CFAP20: variants seen among roughly 807,000 people sequenced by gnomAD.
The protein encoded by CFAP20 is cilia and flagella associated protein 20.
In CFAP20, 14 loss-of-function variants were observed where a neutral mutation model predicts 25.5. That is an observed-to-expected ratio of 0.55 (90% confidence interval 0.36 to 0.86). The LOEUF (loss-of-function observed/expected upper bound fraction) is 0.86, where lower values mean the gene tolerates loss of function less well. Among genes scored for constraint, CFAP20 ranks in the 40% least tolerant of loss-of-function variants. The pLI, the probability that CFAP20 is intolerant of heterozygous loss-of-function variation, is 0.01. For missense variants in CFAP20, 181 were observed against 248.0 expected (o/e 0.73, Z 1.81); for synonymous variants, 75 against 91.1 (o/e 0.82, Z 1.01).
intron 1 of CFAP20, among the ~76,000 whole-genome samples, chr16:58,118,512 G>A (rs59705052): frequency 0.039 from 4,677 of 121,070 alleles, 94 homozygotes; most frequent in East Asian, 0.1. Context: ...AACAAAAAAC[G>A]AAAAAAAAAA....
intron 1 of CFAP20, among the ~76,000 whole-genome samples, chr16:58,118,342 T>C (rs1322555645): frequency 6.7e-6 from 1 of 150,030 alleles, no homozygotes; most frequent in African/African-American, 2.5e-5. Context: ...TGTGGTGGCG[T>C]GCACCTGTAG....
intron 1 of CFAP20, among the ~76,000 whole-genome samples, chr16:58,118,375 TG>T (rs760961961): frequency 2.1e-4 from 32 of 151,444 alleles, no homozygotes; most frequent in Non-Finnish European, 4.0e-4. Context: ...CCCAACTACT[TG>T]GGAGGCTAAG....
intron 1 of CFAP20, 53 bp downstream of exon 1, chr16:58,128,979 C>A (rs1960666645): frequency 3.2e-6 from 5 of 1,558,114 alleles, no homozygotes; most frequent in South Asian, 1.1e-5. Context: ...AGCCCCCGGA[C>A]GAGGAGGGGG....
In CFAP20 at chr16:58,115,448, C is replaced by T; in HGVS notation, c.286G>A (p.Asp96Asn). ...CGAAAGCGACGACGCACATTCTTGT[C>T]ATCTAGTACCTGTGAAATACAGAGA... ...YFTFEVQVLD[D>N]KNVRRRFRAS... Residue 96 changes from aspartate (D) to asparagine (N), a missense_variant, in exon 4 of 6, where the codon GAC (aspartate) becomes AAC (asparagine). Transcript: ENST00000262498. The T allele has an allele frequency of 6.2e-7, 1 of 1,614,152 alleles. No homozygotes were observed. The highest frequency in any genetic ancestry group is 2.2e-5 in the East Asian group (1 of 44,888).
At chr16:58,128,884 A>C in intron 1 of CFAP20, 148 bp downstream of exon 1, 1 of 186,850 alleles carries the variant, frequency 5.4e-6, no homozygotes, top group Non-Finnish European at 6.5e-6. Context: ...CTCGCGCCCC[A>C]GTCCCGCCAG....
chr16:58,116,060 T>C lies in CFAP20; in HGVS notation c.257A>G (p.Tyr86Cys), dbSNP rs1377392375. ...ACTTACCTGCACTTCGAAGGTAAAA[T>C]ACTTCTTCAGGTTTTTGATAATCAT... The part of the protein sequence containing the change: ...LVMIIKNLKK[Y>C]FTFEVQVLDD... The change falls in exon 3 of 6, where the codon TAT becomes TGT. Residue 86 changes from tyrosine to cysteine, a missense_variant. Tyr to Cys is a radical substitution (Grantham distance 194, BLOSUM62 -2). Coordinates refer to ENST00000262498, the MANE Select transcript of CFAP20 (RefSeq NM_013242.3). 3 of 1,611,074 alleles carry C rather than the reference T, an allele frequency of 1.9e-6. No individual in the cohort carries two copies. Among genetic ancestry groups the C allele is most frequent in the Non-Finnish European group, 2.5e-6 (3 of 1,177,178 alleles).
chr16:58,114,136 G>C, intron 5 of CFAP20, 106 bp from the exon 6 acceptor site: 1 of 1,199,662 alleles, frequency 8.3e-7, no homozygotes. Flanking sequence ...GACAGTGACT[G>C]TGGAGAATGG....
At chr16:58,117,075 A>G (rs1196952005) in intron 1 of CFAP20, 124 bp from the exon 2 acceptor site, 1 of 763,496 alleles carries the variant, frequency 1.3e-6, no homozygotes, top group African/African-American at 1.7e-5. Flanking sequence ...ACTGAAGCTT[A>G]TATGTAAGTA....
Position 58,115,424 on chromosome 16 carries a change from G to A in CFAP20, c.310C>T (p.Arg104Trp), listed in dbSNP as rs914251254. The A allele has an allele frequency of 3.7e-6, 6 of 1,614,220 alleles. No individual in the cohort carries two copies. The highest frequency in any genetic ancestry group is 4.2e-6 in the Non-Finnish European group (5 of 1,180,044). Reference sequence around the variant, plus strand: ...GTGGTGCTCTGGTAGTTACTTGCCCGAAAGCGACGACGCACATTCTTGTCA... The same window carrying A: ...GTGGTGCTCTGGTAGTTACTTGCCCAAAAGCGACGACGCACATTCTTGTCA... Reference protein sequence around the residue: ...LDDKNVRRRFRASNYQSTTRV... With the variant: ...LDDKNVRRRFWASNYQSTTRV... The change falls in exon 4 of 6, where the codon CGG becomes TGG. Residue 104 changes from arginine to tryptophan, a missense_variant. Physicochemically the swap from Arg to Trp is moderately radical, Grantham distance 101 (BLOSUM62 -3). Coordinates refer to ENST00000262498, the MANE Select transcript of CFAP20 (RefSeq NM_013242.3).
chr16:58,117,208 A>G, intron 1 of CFAP20: 1 of 499,252 alleles, frequency 2.0e-6, no homozygotes, highest in East Asian at 3.3e-5. Flanking sequence ...GATTCAGCTA[A>G]TATCTACTGA....
intron 1 of CFAP20, among the ~76,000 whole-genome samples, chr16:58,120,338 T>G (rs74019798): frequency 0.032 from 4,823 of 152,352 alleles, 103 homozygotes; most frequent in East Asian, 0.089. Flanking sequence ...AAGCAACATG[T>G]TGCTATTGAT....
intron 2 of CFAP20, chr16:58,116,616 C>A: frequency 1.9e-6 from 1 of 516,146 alleles, no homozygotes; most frequent in Non-Finnish European, 3.4e-6. Flanking sequence ...CTAAGCAAGG[C>A]TTTACGTGTT....
At chr16:58,125,565 T>C (rs940955673) in intron 1 of CFAP20, among the ~76,000 whole-genome samples, 1 of 152,110 alleles carries the variant, frequency 6.6e-6, no homozygotes, top group Non-Finnish European at 1.5e-5. Context: ...GGGCCTGTAG[T>C]CCCAGCTACT....
At chr16:58,122,277 T>C (rs1290939030) in intron 1 of CFAP20, among the ~76,000 whole-genome samples, 2 of 152,148 alleles carry the variant, frequency 1.3e-5, no homozygotes, top group African/African-American at 4.8e-5. Context: ...AAAAGGCAAG[T>C]GTAATTAAAA....
intron 1 of CFAP20, chr16:58,119,035 G>A (rs1489879089): frequency 3.9e-5 from 6 of 152,174 alleles, no homozygotes; most frequent in African/African-American, 1.2e-4. Flanking sequence ...TGCTGATTAC[G>A]ATTTGGCTAT....
intron 1 of CFAP20, 65 bp downstream of exon 1, chr16:58,128,967 C>A: frequency 6.5e-7 from 1 of 1,534,192 alleles, no homozygotes; most frequent in South Asian, 1.1e-5. Flanking sequence ...TTCCCCGTCC[C>A]CAGCCCCCGG....
At position 58,113,981 on chromosome 16, in the gene CFAP20, G is replaced by C; in HGVS notation, c.*44C>G. The C allele has an allele frequency of 6.3e-7, 1 of 1,599,014 alleles. No individual in the cohort carries two copies. Among genetic ancestry groups the C allele is most frequent in the African/African-American group, 1.3e-5 (1 of 74,644 alleles). ...CCTCCACATAGTTTCCTTTTAAAAA[G>C]AAGAGTCACATCCAGGGGTCTATCC... On this transcript the variant is annotated 3_prime_UTR_variant, in exon 6 of 6. Transcript: ENST00000262498.
chr16:58,125,057 G>A (rs1195459910), intron 1 of CFAP20, among the ~76,000 whole-genome samples: 2 of 152,098 alleles, frequency 1.3e-5, no homozygotes, highest in African/African-American at 2.4e-5. Context: ...AAAACACAAT[G>A]TTCAACTGCA....
At chr16:58,126,221 T>A (rs991816111) in intron 1 of CFAP20, among the ~76,000 whole-genome samples, 2 of 152,014 alleles carry the variant, frequency 1.3e-5, no homozygotes, top group Non-Finnish European at 2.9e-5. Flanking sequence ...CGATCTACAA[T>A]AGAAAACTGC....
Sources: gnomAD v4.1 joint callset for allele counts (sites outside exome capture counted in the v4.1 genomes callset) on GRCh38, gnomAD v4.1.1 for gene constraint, MANE v1.5 for transcripts, NCBI Gene and HGNC (gene_info 2026-07-23, HGNC 2026-07-21) for gene names.